The following RRN3 variants were observed in gnomAD, a reference collection of about 807,000 sequenced individuals.
The protein encoded by RRN3 is RNA polymerase I-specific transcription initiation factor RRN3.
RRN3 carries 38 observed loss-of-function variants against 82.3 expected under a neutral mutation model. The observed-to-expected ratio is 0.46, with a 90% CI of 0.36 to 0.61. The LOEUF is 0.61. Among genes scored for constraint, RRN3 ranks in the 20% least tolerant of loss-of-function variants. The pLI is 0.00. For missense variants in RRN3, 726 were observed against 793.1 expected (o/e 0.92, Z 1.02); for synonymous variants, 284 against 284.3 (o/e 1.00, Z 0.01).
intron 14 of RRN3, among the ~76,000 whole-genome samples, chr16:15,068,937 T>A (rs1480908220): frequency 6.6e-6 from 1 of 152,152 alleles, no homozygotes; most frequent in African/African-American, 2.4e-5. Flanking sequence ...TCAATAAAAA[T>A]TACCTAAATG....
rs1032352099 is a variant in RRN3 at position 15,088,072 on chromosome 16, T to C, written c.253-1618A>G. Among the ~76,000 whole-genome samples the C allele has an allele frequency of 5.3e-5, 8 of 151,676 alleles. 1 individual carries two copies. The highest frequency in any genetic ancestry group is 1.7e-4 in the African/African-American group (7 of 41,230). On this transcript the variant is annotated intron_variant, in intron 3 of 17. Transcript: ENST00000198767. ...CAGAGGTTGCAGTGAGCCAAGATCATGCCACTGCACTCCAGCCTGGGCAAC... is the reference window on the plus strand; with the variant it reads ...CAGAGGTTGCAGTGAGCCAAGATCACGCCACTGCACTCCAGCCTGGGCAAC...
In RRN3 at chr16:15,086,454, C is replaced by T; in HGVS notation, c.253G>A (p.Asp85Asn). Residue 85 changes from aspartate (D) to asparagine (N), a missense_variant and splice_region_variant, in exon 4 of 18, where the codon GAT becomes AAT. Physicochemically the swap from Asp to Asn is conservative, Grantham distance 23 (BLOSUM62 1). Transcript: ENST00000198767. ...KNQLLDPDIK[D>N]DQIINWLLEF... ...AGCAGCCAGTTGATGATCTGGTCAT[C>T]CTTAAGTTAAACAAAGAGTACTTTC... 6.2e-7 allele frequency: 1 copy of T among 1,611,916 alleles called. No individual in the cohort carries two copies. The highest frequency in any genetic ancestry group is 8.5e-7 in the Non-Finnish European group (1 of 1,179,360).
chr16:15,081,306 T>C (rs532211056), intron 8 of RRN3, among the ~76,000 whole-genome samples: 4 of 152,366 alleles, frequency 2.6e-5, no homozygotes, highest in African/African-American at 4.8e-5. Flanking sequence ...TTTTCCAAAA[T>C]GGCTGCACCA....
Position 15,065,200 on chromosome 16 carries a change from A to G in RRN3, c.1706+19T>C. ...AAAAAAATCCACCTCCTCCAGCGTC[A>G]ATGTTTAAAAGTACCTACCTCTTCA... On this transcript the variant is annotated intron_variant, in intron 16 of 17. Coordinates refer to ENST00000198767, the MANE Select transcript of RRN3 (RefSeq NM_018427.5). 5 of 1,575,556 alleles carry G rather than the reference A, an allele frequency of 3.2e-6. No individual in the cohort carries two copies. The highest frequency in any genetic ancestry group is 4.3e-6 in the Non-Finnish European group (5 of 1,164,752).
rs769476239 is a variant in RRN3 at position 15,071,269 on chromosome 16, G to A, written c.1129-18C>T. 4.5e-5 allele frequency: 71 copies of A among 1,586,148 alleles called. No individual in the cohort carries two copies. The highest frequency in any genetic ancestry group is 5.0e-5 in the Non-Finnish European group (59 of 1,169,002). On this transcript the variant is annotated intron_variant, in intron 12 of 17. Transcript: ENST00000198767. ...GCGAATCCCTATAAAAAGAGAGGGC[G>A]TCGGTGTGATCTTTTTTAATGCCTA...
chr16:15,080,407 T>C (rs1671799449), intron 8 of RRN3, among the ~76,000 whole-genome samples: 1 of 152,202 alleles, frequency 6.6e-6, no homozygotes, highest in South Asian at 2.1e-4. Flanking sequence ...TATTCAGTTA[T>C]GAGACCATCA....
At position 15,074,834 on chromosome 16, in the gene RRN3, T is replaced by C. The variant is rs1268888350; in HGVS notation, c.886A>G (p.Thr296Ala). Residue 296 changes from threonine to alanine, a missense_variant, in exon 11 of 18, where the codon ACA (threonine) becomes GCA (alanine). Coordinates refer to ENST00000198767, the MANE Select transcript of RRN3 (RefSeq NM_018427.5). ...TCGAGCCGTTCAGGACCAGCCTTTG[T>C]TTCATGTTCAGTTTCTTCATCTTCA... ...MDEDEETEHE[T>A]KAGPERLDQM... is the part of the protein sequence containing the mutation. 2 of 1,611,886 alleles carry C rather than the reference T, an allele frequency of 1.2e-6. No homozygotes were observed. The highest frequency in any genetic ancestry group is 2.7e-5 in the African/African-American group (2 of 74,804).
chr16:15,080,637 C>T lies in RRN3; in HGVS notation c.667-541G>A, dbSNP rs142554336. Among the ~76,000 whole-genome samples, 817 of 152,200 alleles carry T rather than the reference C, an allele frequency of 5.4e-3. 7 individuals carry two copies. The highest frequency in any genetic ancestry group is 0.018 in the African/African-American group (764 of 41,536). ...AGAGAGACATTTTCTCACTATGTTG[C>T]CCAGGCTGGTCTTCAACTCCTGGAT... On this transcript the variant is annotated intron_variant, in intron 8 of 17. Transcript: ENST00000198767.
Position 15,061,698 on chromosome 16 carries a change from T to C in RRN3, c.*46A>G, listed in dbSNP as rs766270241. 6.3e-7 allele frequency: 1 copy of C among 1,577,088 alleles called. No individual in the cohort carries two copies. Among genetic ancestry groups the C allele is most frequent in the South Asian group, 1.1e-5 (1 of 88,968 alleles). On this transcript the variant is annotated 3_prime_UTR_variant, in exon 18 of 18. Transcript: ENST00000198767. ...AGCTGGGTGCTGAGGGCATGACAAG[T>C]GATGGGGAATCCCAAATGTCACATC... is the stretch of plus-strand genomic sequence containing the variant.
At chr16:15,081,844 A>G (rs1463473134) in intron 8 of RRN3, among the ~76,000 whole-genome samples, 1 of 152,158 alleles carries the variant, frequency 6.6e-6, no homozygotes, top group Non-Finnish European at 1.5e-5. Flanking sequence ...TTAAATATGG[A>G]TATCCATATG....
chr16:15,076,275 C>A (rs1412165499), intron 10 of RRN3, among the ~76,000 whole-genome samples: 1 of 152,206 alleles, frequency 6.6e-6, no homozygotes, highest in African/African-American at 2.4e-5. Flanking sequence ...CTATTAACCA[C>A]GCCCTCACAG....
At chr16:15,093,924 G>A in intron 1 of RRN3, 2 of 547,746 alleles carry the variant, frequency 3.7e-6, no homozygotes, top group Admixed American at 7.5e-5. Flanking sequence ...TCGGGAAAGG[G>A]GGCCTCCAGA....
rs2045630504 is a variant in RRN3, at chr16:15,079,996, A to C, written c.765+2T>G. 6.3e-7 allele frequency: 1 copy of C among 1,590,978 alleles called. No homozygotes were observed. The highest frequency in any genetic ancestry group is 1.3e-5 in the African/African-American group (1 of 74,240). ...AATAAAAATAGATTACTCAATACTT[A>C]CATCCAACTTGAGTAGTTTTTCAAT... On this transcript the variant is annotated splice_donor_variant, in intron 9 of 17. Coordinates refer to ENST00000198767, the MANE Select transcript of RRN3 (RefSeq NM_018427.5). LOFTEE classifies it high-confidence loss of function.
At chr16:15,063,594 G>C (rs1451770953) in intron 16 of RRN3, among the ~76,000 whole-genome samples, 1 of 150,664 alleles carries the variant, frequency 6.6e-6, no homozygotes, top group Non-Finnish European at 1.5e-5. Flanking sequence ...TGTAGTCCCA[G>C]CTACTCGGGA....
intron 16 of RRN3, among the ~76,000 whole-genome samples, chr16:15,063,809 C>T (rs1408772440): frequency 1.3e-5 from 2 of 151,762 alleles, no homozygotes; most frequent in Admixed American, 6.6e-5. Flanking sequence ...TCACTCATGT[C>T]GATGGAGTAT....
intron 13 of RRN3, among the ~76,000 whole-genome samples, chr16:15,070,488 GC>G (rs1189363578): frequency 2.0e-5 from 3 of 151,896 alleles, no homozygotes; most frequent in Admixed American, 1.3e-4. Flanking sequence ...GAACAGGTGA[GC>G]CCCTAAGAAC....
intron 12 of RRN3, among the ~76,000 whole-genome samples, chr16:15,071,713 A>C (rs1189049963): frequency 1.3e-5 from 2 of 152,224 alleles, no homozygotes; most frequent in African/African-American, 4.8e-5. Flanking sequence ...GGTTGCAGTG[A>C]GCTGAGATCA....
rs11436275 is a variant in RRN3 at position 15,085,326 on chromosome 16, C to CTT, written c.532+311_532+312dup. Among the ~76,000 whole-genome samples the CTT allele has an allele frequency of 2.0e-3, 302 of 149,880 alleles. 2 individuals are homozygous for CTT. The highest frequency in any genetic ancestry group is 7.2e-3 in the Admixed American group (108 of 15,044). ...TAGGTGCCAGGTATTCTGTGCTTTA[C>CTT]TTTTTTTTTTAAAGAAGACAGTGTC... On this transcript the variant is annotated intron_variant, in intron 6 of 17. Transcript: ENST00000198767.
chr16:15,094,318 G>C (rs1424992389), upstream of RRN3: 6 of 1,264,150 alleles, frequency 4.7e-6, no homozygotes, highest in East Asian at 1.3e-4. Context: ...AGTTGCGCGT[G>C]CCAGCGCAAC....
Sources: gnomAD v4.1 joint callset for allele counts (sites outside exome capture counted in the v4.1 genomes callset) on GRCh38, gnomAD v4.1.1 for gene constraint, MANE v1.5 for transcripts, NCBI Gene and HGNC (gene_info 2026-07-23, HGNC 2026-07-21) for gene names.